AHR: variants seen among roughly 807,000 people sequenced by gnomAD.
The protein encoded by AHR is AH-receptor.
AHR carries 40 observed loss-of-function variants against 86.8 expected under a neutral mutation model. The observed-to-expected ratio is 0.46, with a 90% CI of 0.36 to 0.60. AHR has a LOEUF of 0.60. Among genes scored for constraint, AHR ranks in the 20% least tolerant of loss-of-function variants. AHR has a pLI of 0.00. For missense variants in AHR, 1,001 were observed against 1,011.6 expected, an observed-to-expected ratio of 0.99 and a Z score of 0.14; for synonymous variants, 398 against 354.9, an observed-to-expected ratio of 1.12 and a Z score of -1.37.
chr7:17,335,528 G>A, intron 8 of AHR, 117 bp from the exon 9 acceptor site: 1 of 811,238 alleles, frequency 1.2e-6, no homozygotes, highest in Non-Finnish European at 1.8e-6. Flanking sequence ...AAAATTTATT[G>A]TCTTTGGGGA....
chr7:17,311,264 C>T (rs549226175), intron 2 of AHR, among the ~76,000 whole-genome samples: 1 of 152,232 alleles, frequency 6.6e-6, no homozygotes, highest in African/African-American at 2.4e-5. Context: ...CTATGTCAGT[C>T]AATGCTTCTC....
At chr7:17,334,142 T>G (rs186541119) in intron 7 of AHR, 28 bp downstream of exon 7, 20 of 1,562,320 alleles carry the variant, frequency 1.3e-5, no homozygotes, top group Non-Finnish European at 1.8e-5. Flanking sequence ...ACTTTTATTT[T>G]ATTGGATGTA....
chr7:17,317,959 C>A (rs1782133036), intron 2 of AHR, among the ~76,000 whole-genome samples: 1 of 151,746 alleles, frequency 6.6e-6, no homozygotes, highest in Non-Finnish European at 1.5e-5. Context: ...GAGTGCGTAC[C>A]AATGAGTAAC....
At chr7:17,327,323 G>A (rs770340539) in intron 3 of AHR, among the ~76,000 whole-genome samples, 7 of 151,868 alleles carry the variant, frequency 4.6e-5, no homozygotes, top group African/African-American at 7.2e-5. Context: ...GTTAGCATCA[G>A]TGCTTGAAAT....
Position 17,339,313 on chromosome 7 carries a change from G to A in AHR, c.1488G>A (p.Trp496Ter). The change falls in exon 10 of 11, where the codon TGG becomes TGA. Residue 496 changes from tryptophan (W) to a stop codon, truncating the protein, a stop_gained. Coordinates refer to ENST00000242057, the MANE Select transcript of AHR (RefSeq NM_001621.5). LOFTEE classifies it high-confidence loss of function. ...AATCTATGAATGAATGCAGAAATTG[G>A]CAAGATAATACTGCACCGATGGGAA... The part of the protein sequence containing the change: ...FNESMNECRN[W>*]QDNTAPMGND... The A allele has an allele frequency of 6.2e-7, 1 of 1,614,098 alleles. No individual in the cohort carries two copies.
At chr7:17,300,255 T>C in intron 1 of AHR, among the ~76,000 whole-genome samples, 1 of 152,140 alleles carries the variant, frequency 6.6e-6, no homozygotes, top group Non-Finnish European at 1.5e-5. Context: ...TGTTGTGAGG[T>C]GGTTGTATTC....
At chr7:17,318,017 T>A (rs1782133470) in intron 2 of AHR, among the ~76,000 whole-genome samples, 1 of 151,822 alleles carries the variant, frequency 6.6e-6, no homozygotes, top group Non-Finnish European at 1.5e-5. Flanking sequence ...TGTAAGAGTT[T>A]GGATAGAACA....
intron 9 of AHR, 140 bp downstream of exon 9, chr7:17,335,926 G>C (rs1478899846): frequency 9.9e-6 from 8 of 806,458 alleles, no homozygotes; most frequent in Non-Finnish European, 1.5e-5. Flanking sequence ...GAAGAGCACA[G>C]GTGAGAGACA....
intron 2 of AHR, among the ~76,000 whole-genome samples, chr7:17,320,726 A>G (rs1406004161): frequency 6.6e-6 from 1 of 152,118 alleles, no homozygotes; most frequent in Non-Finnish European, 1.5e-5. Flanking sequence ...AGAAAAGGCC[A>G]TTCTCTCTTC....
At chr7:17,312,221 G>A (rs1782072598) in intron 2 of AHR, among the ~76,000 whole-genome samples, 2 of 152,154 alleles carry the variant, frequency 1.3e-5, no homozygotes, top group Non-Finnish European at 2.9e-5. Flanking sequence ...TGTAAGACGT[G>A]GTTGCCACCC....
chr7:17,341,365 A>G (rs1782421937), intron 10 of AHR, among the ~76,000 whole-genome samples: 1 of 152,216 alleles, frequency 6.6e-6, no homozygotes. Flanking sequence ...CTATGAAAGT[A>G]TATTTTACTC....
At position 17,318,762 on chromosome 7, in the gene AHR, T is replaced by C. The variant is rs149775688; in HGVS notation, c.254-3739T>C. Reference sequence around the variant, plus strand: ...TGTAACAATTTACAGTTTTGAAGTATAGTTGACCCTTGAACAATGCATTAA... The same window carrying C: ...TGTAACAATTTACAGTTTTGAAGTACAGTTGACCCTTGAACAATGCATTAA... On this transcript the variant is annotated intron_variant, in intron 2 of 10. Coordinates refer to ENST00000242057, the MANE Select transcript of AHR (RefSeq NM_001621.5). Among the ~76,000 whole-genome samples, 100 of 152,304 alleles carry C rather than the reference T, an allele frequency of 6.6e-4. 2 individuals are homozygous for C. The highest frequency in any genetic ancestry group is 1.2e-3 in the East Asian group (6 of 5,186).
intron 1 of AHR, among the ~76,000 whole-genome samples, chr7:17,306,364 A>G (rs1318546086): frequency 6.6e-6 from 1 of 152,202 alleles, no homozygotes; most frequent in African/African-American, 2.4e-5. Flanking sequence ...AAAGTGGGTC[A>G]AATGCATTAC....
intron 2 of AHR, among the ~76,000 whole-genome samples, chr7:17,319,105 G>T (rs1230906997): frequency 6.6e-6 from 1 of 152,026 alleles, no homozygotes; most frequent in African/African-American, 2.4e-5. Context: ...AATCCTATTA[G>T]ATACTAATTA....
rs1022408271 is a variant in AHR, at chr7:17,346,015, C to T, written c.*2951C>T. 3.3e-5 allele frequency: 5 copies of T among 152,548 alleles called. No individual in the cohort carries two copies. The highest frequency in any genetic ancestry group is 1.5e-5 in the Non-Finnish European group (1 of 67,964). The allele number at this position is 152,548 out of a possible 1,614,324, so 9.4% of individuals were successfully genotyped here. A position where few individuals can be genotyped will look rare whatever the true frequency, so the allele number is the denominator to read the frequency against. ...GATGTTACTAAATTTTAGGTAAATGCTTTCATGGCTTTTTTCTTCAAAATG... is the reference window on the plus strand; with the variant it reads ...GATGTTACTAAATTTTAGGTAAATGTTTTCATGGCTTTTTTCTTCAAAATG... On this transcript the variant is annotated 3_prime_UTR_variant, in exon 11 of 11. Transcript: ENST00000242057.
intron 8 of AHR, 73 bp from the exon 9 acceptor site, chr7:17,335,572 G>C: frequency 1.5e-6 from 2 of 1,304,538 alleles, no homozygotes; most frequent in South Asian, 3.1e-5. Flanking sequence ...TGTCACAAGA[G>C]CTTTGTTTTA....
rs1782348592 is a variant in AHR at position 17,335,778 on chromosome 7, A to G, written c.1152A>G (p.Arg384=). The change falls in exon 9 of 11, where the codon AGA becomes AGG. Residue 384 remains arginine (R), a synonymous_variant. Coordinates refer to ENST00000242057, the MANE Select transcript of AHR (RefSeq NM_001621.5). ...CAGATTATATCATTGTAACTCAGAG[A>G]CCACTAACGTAAGCACAAATAATGT... ...GRPDYIIVTQ[R]PLTDEEGTEH... 6.2e-7 allele frequency: 1 copy of G among 1,612,414 alleles called. No individual in the cohort carries two copies. Among genetic ancestry groups the G allele is most frequent in the Non-Finnish European group, 8.5e-7 (1 of 1,179,286 alleles).
intron 1 of AHR, among the ~76,000 whole-genome samples, chr7:17,309,315 A>G (rs756119342): frequency 1.8e-4 from 28 of 152,220 alleles, no homozygotes; most frequent in Non-Finnish European, 3.7e-4. Flanking sequence ...ATATTTGCCA[A>G]CAAGAAATGT....
At chr7:17,303,762 T>C (rs532864407) in intron 1 of AHR, among the ~76,000 whole-genome samples, 12 of 152,150 alleles carry the variant, frequency 7.9e-5, no homozygotes, top group African/African-American at 2.9e-4. Context: ...AAAATTCCTG[T>C]AAGGGAATTT....
Sources: gnomAD v4.1 joint callset for allele counts (sites outside exome capture counted in the v4.1 genomes callset) on GRCh38, gnomAD v4.1.1 for gene constraint, MANE v1.5 for transcripts, NCBI Gene and HGNC (gene_info 2026-07-23, HGNC 2026-07-21) for gene names.